The following FAM124A variants were observed in gnomAD, a reference collection of about 807,000 sequenced individuals.
FAM124A encodes the protein family with sequence similarity 124 member A, also known as protein FAM124A.
A neutral mutation model predicts 24.5 loss-of-function variants in FAM124A; 23 were observed. That is an observed-to-expected ratio of 0.94 (90% CI 0.68 to 1.33). The LOEUF (loss-of-function observed/expected upper bound fraction) is 1.33. FAM124A is among the 40% of genes most tolerant of loss of function. FAM124A has a pLI of 0.00. For synonymous variants in FAM124A, 287 were observed against 314.7 expected (o/e 0.91, Z 0.93); for missense variants, 623 against 722.8 (o/e 0.86, Z 1.58).
intron 3 of FAM124A, among the ~76,000 whole-genome samples, chr13:51,276,383 A>G (rs1434298164): frequency 1.3e-5 from 2 of 152,218 alleles, no homozygotes; most frequent in African/African-American, 4.8e-5. Context: ...GATTTTCCAG[A>G]AAGCCTTACA....
chr13:51,266,282 G>A (rs1566172910), intron 3 of FAM124A, among the ~76,000 whole-genome samples: 1 of 152,098 alleles, frequency 6.6e-6, no homozygotes, highest in Non-Finnish European at 1.5e-5. Flanking sequence ...CAGTGTCTCT[G>A]TCCTCCTAAA....
intron 3 of FAM124A, among the ~76,000 whole-genome samples, chr13:51,270,997 A>C (rs1018824808): frequency 6.6e-6 from 1 of 152,266 alleles, no homozygotes; most frequent in Non-Finnish European, 1.5e-5. Context: ...TCTGCAGATA[A>C]GAACAAAATT....
At chr13:51,223,038 C>T (rs1593580521) in intron 1 of FAM124A, among the ~76,000 whole-genome samples, 1 of 152,142 alleles carries the variant, frequency 6.6e-6, no homozygotes, top group Admixed American at 6.5e-5. Flanking sequence ...TATATGGCTT[C>T]ATCGTGGGAC....
At chr13:51,249,089 C>T (rs1954594026) in intron 2 of FAM124A, among the ~76,000 whole-genome samples, 1 of 152,162 alleles carries the variant, frequency 6.6e-6, no homozygotes, top group Non-Finnish European at 1.5e-5. Context: ...TTCCCCACGG[C>T]CCCCTTCCAA....
At chr13:51,252,394 C>A in intron 3 of FAM124A, 193 bp downstream of exon 3, 1 of 696,992 alleles carries the variant, frequency 1.4e-6, no homozygotes, top group Non-Finnish European at 2.3e-6. Context: ...AGACTCTTCC[C>A]ATTGGTTCTC....
At chr13:51,278,016 A>G (rs1282363601) in intron 3 of FAM124A, among the ~76,000 whole-genome samples, 1 of 152,214 alleles carries the variant, frequency 6.6e-6, no homozygotes, top group Non-Finnish European at 1.5e-5. Context: ...TGGTTGCCTT[A>G]AGCACATTAA....
chr13:51,276,506 C>A (rs940770363), intron 3 of FAM124A, among the ~76,000 whole-genome samples: 1 of 152,182 alleles, frequency 6.6e-6, no homozygotes, highest in African/African-American at 2.4e-5. Flanking sequence ...AAACTTTCTA[C>A]CAAAAACATC....
Position 51,281,791 on chromosome 13 carries a change from AAGTC to A in FAM124A, c.*538_*541del, listed in dbSNP as rs1418512352. ...GTTTAAGCACTGCTTATAATGGAAA[AAGTC>A]AGCTTGAGAAGTAAACGTATATCAG... On this transcript the variant is annotated 3_prime_UTR_variant, in exon 4 of 4. Transcript: ENST00000322475. 25 of 152,432 alleles carry A rather than the reference AAGTC, an allele frequency of 1.6e-4. No individual in the cohort carries two copies. Among genetic ancestry groups the A allele is most frequent in the African/African-American group, 4.8e-4 (20 of 41,570 alleles). 9.4% of individuals were successfully genotyped at this position (152,432 alleles called of 1,614,324 possible).
intron 3 of FAM124A, among the ~76,000 whole-genome samples, chr13:51,277,469 A>G (rs968690593): frequency 6.6e-6 from 1 of 152,136 alleles, no homozygotes; most frequent in Non-Finnish European, 1.5e-5. Context: ...CTGCACTTGT[A>G]CTCCCTAAAT....
At chr13:51,262,345 G>A (rs1954745682) in intron 3 of FAM124A, among the ~76,000 whole-genome samples, 1 of 88,956 alleles carries the variant, frequency 1.1e-5, no homozygotes, top group Admixed American at 1.3e-4. Context: ...TTATTAGAAA[G>A]TAATAAAACC....
At position 51,251,598 on chromosome 13, in the gene FAM124A, G is replaced by C; in HGVS notation, c.231G>C (p.Pro77=). The change falls in exon 3 of 4, where the codon CCG becomes CCC. Residue 77 remains proline, a synonymous_variant. Transcript: ENST00000322475. The surrounding 1 kb of genome is among the most constrained non-coding windows in gnomAD (Gnocchi z 5.3). Reference sequence around the variant, plus strand: ...TGGCGTGGATCCACCCCGACCTCCCGCTGTTCCGGGTGTCCGAGAGGCGGG... The same window carrying C: ...TGGCGTGGATCCACCCCGACCTCCCCCTGTTCCGGGTGTCCGAGAGGCGGG... ...NVLAWIHPDL[P]LFRVSERRAS... 5.1e-6 allele frequency: 8 copies of C among 1,569,224 alleles called. No homozygotes were observed. The highest frequency in any genetic ancestry group is 6.9e-6 in the Non-Finnish European group (8 of 1,155,096).
At chr13:51,245,438 C>T (rs902937686) in intron 2 of FAM124A, 9 of 615,740 alleles carry the variant, frequency 1.5e-5, no homozygotes, top group Middle Eastern at 3.5e-4. Flanking sequence ...TTTCTATTGG[C>T]GCAGCTTCCG....
chr13:51,268,201 G>A (rs912248009), intron 3 of FAM124A, among the ~76,000 whole-genome samples: 1 of 152,184 alleles, frequency 6.6e-6, no homozygotes, highest in Non-Finnish European at 1.5e-5. Flanking sequence ...AGCATGAGTT[G>A]GGTTTCTGTC....
At position 51,276,072 on chromosome 13, in the gene FAM124A, G is replaced by A. The variant is rs149889367; in HGVS notation, c.835-4378G>A. On this transcript the variant is annotated intron_variant, in intron 3 of 3. Transcript: ENST00000322475. ...AGCATGGTAGTTGTAAACTGCTGGCGCACATGAGTTAGGATTCTAGAAAGA... is the reference window on the plus strand; with the variant it reads ...AGCATGGTAGTTGTAAACTGCTGGCACACATGAGTTAGGATTCTAGAAAGA... 2.5e-3 allele frequency among the ~76,000 whole-genome samples: 375 copies of A among 152,296 alleles called. 5 individuals carry two copies. In the South Asian group the frequency reaches 0.032, roughly 13 times the overall value.
chr13:51,225,955 G>A (rs190799977), intron 1 of FAM124A, among the ~76,000 whole-genome samples: 22 of 132,652 alleles, frequency 1.7e-4, no homozygotes, highest in African/African-American at 5.9e-4. Context: ...ATGATAATCT[G>A]TAATGTTGCT....
chr13:51,251,477 C>A lies in FAM124A; in HGVS notation c.110C>A (p.Ser37Tyr). 1 of 1,501,744 alleles carries A rather than the reference C, an allele frequency of 6.7e-7. No individual in the cohort carries two copies. The highest frequency in any genetic ancestry group is 8.9e-7 in the Non-Finnish European group (1 of 1,124,932). The allele number at this position is 1,501,744 out of a possible 1,614,324, so 93.0% of individuals were successfully genotyped here. Reference sequence around the variant, plus strand: ...TTTTGCGTGCCCCCAGGTGAGCTTTCCGTTGAAGAGGCGCAGGACCCTTTC... The same window carrying A: ...TTTTGCGTGCCCCCAGGTGAGCTTTACGTTGAAGAGGCGCAGGACCCTTTC... ...SHLSSTSSEL[S>Y]VEEAQDPFLV... Residue 37 changes from serine (S) to tyrosine (Y), a missense_variant, in exon 3 of 4, where the codon TCC becomes TAC. By Grantham distance (144) the Ser-to-Tyr change is moderately radical (BLOSUM62 -2). Transcript: ENST00000322475. The surrounding 1 kb of genome is among the most constrained non-coding windows in gnomAD (Gnocchi z 5.3).
At chr13:51,228,458 T>C (rs1488917294) in intron 1 of FAM124A, among the ~76,000 whole-genome samples, 1 of 152,232 alleles carries the variant, frequency 6.6e-6, no homozygotes, top group Non-Finnish European at 1.5e-5. Flanking sequence ...TTCTGCTCTA[T>C]ATCGTGTATA....
chr13:51,280,222 G>A (rs1053389429), intron 3 of FAM124A, among the ~76,000 whole-genome samples: 2 of 152,210 alleles, frequency 1.3e-5, no homozygotes, highest in Non-Finnish European at 2.9e-5. Flanking sequence ...ATAAGGAGCT[G>A]AATCTCCTCC....
chr13:51,223,065 G>A (rs1954277690), intron 1 of FAM124A, among the ~76,000 whole-genome samples: 1 of 152,048 alleles, frequency 6.6e-6, no homozygotes, highest in Admixed American at 6.6e-5. Flanking sequence ...CTGTGCTGCC[G>A]AGTCCCCCTC....
Sources: gnomAD v4.1 joint callset for allele counts (sites outside exome capture counted in the v4.1 genomes callset) on GRCh38, gnomAD v4.1.1 for gene constraint, Gnocchi (gnomAD v3.1) non-coding constraint, MANE v1.5 for transcripts, NCBI Gene and HGNC (gene_info 2026-07-23, HGNC 2026-07-21) for gene names.